Variants in ABHD12B observed in about 807,000 individuals in gnomAD.
The protein encoded by ABHD12B is protein ABHD12B.
In ABHD12B, 42 loss-of-function variants were observed where a neutral mutation model predicts 50.4. The ratio of observed to expected loss-of-function variants is 0.83; its 90% CI spans 0.65 to 1.08. The LOEUF (loss-of-function observed/expected upper bound fraction) is 1.08, where lower values mean the gene tolerates loss of function less well. ABHD12B is among the 50% of genes least tolerant of loss of function. The probability of loss-of-function intolerance (pLI) is 0.00; values close to 1 mark genes in which losing one functional copy is unlikely to be tolerated. For missense variants in ABHD12B, 479 were observed against 447.7 expected (o/e 1.07, Z -0.63); for synonymous variants, 167 against 160.3 (o/e 1.04, Z -0.32).
intron 9 of ABHD12B, among the ~76,000 whole-genome samples, chr14:50,895,392 G>A (rs953133789): frequency 6.6e-6 from 1 of 152,142 alleles, no homozygotes; most frequent in Non-Finnish European, 1.5e-5. Context: ...CCAAACGCCT[G>A]AACCGCAGCA....
At chr14:50,888,526 G>A (rs2050073038) in intron 8 of ABHD12B, among the ~76,000 whole-genome samples, 1 of 151,950 alleles carries the variant, frequency 6.6e-6, no homozygotes, top group South Asian at 2.1e-4. Context: ...TCCAAGCCAT[G>A]ATGACCTGGT....
intron 9 of ABHD12B, among the ~76,000 whole-genome samples, chr14:50,901,214 ATG>A (rs2050256729): frequency 6.6e-6 from 1 of 152,248 alleles, no homozygotes; most frequent in Non-Finnish European, 1.5e-5. Context: ...CATGTTGACT[ATG>A]TGAGTCAAAA....
intron 9 of ABHD12B, chr14:50,893,886 TAGAGAC>T (rs1486166564): frequency 2.0e-5 from 3 of 152,538 alleles, no homozygotes; most frequent in African/African-American, 7.2e-5. Flanking sequence ...CATTTTCTGG[TAGAGAC>T]AAAGGAGACA....
chr14:50,900,476 GA>G (rs1230993287), intron 9 of ABHD12B, among the ~76,000 whole-genome samples: 8 of 152,150 alleles, frequency 5.3e-5, no homozygotes, highest in Non-Finnish European at 1.2e-4. Flanking sequence ...TGTTGATGGA[GA>G]AACAGATAGA....
At position 50,904,087 on chromosome 14, in the gene ABHD12B, C is replaced by A. The variant is rs2050299494; in HGVS notation, c.956C>A (p.Ala319Glu). The A allele has an allele frequency of 1.2e-6, 2 of 1,612,958 alleles. No individual in the cohort carries two copies. Among genetic ancestry groups the A allele is most frequent in the Non-Finnish European group, 8.5e-7 (1 of 1,179,458 alleles). Residue 319 changes from alanine to glutamate, a missense_variant, in exon 12 of 13, where the codon GCA becomes GAA. Physicochemically the swap from Ala to Glu is moderately radical, Grantham distance 107 (BLOSUM62 -1). Transcript: ENST00000337334. ...TGTCGCTTGCAGCTCTATGAAATTG[C>A]ACGCAATGCATACAGGAACAAAGAG... ...LEYGKKLYEI[A>E]RNAYRNKERV...
chr14:50,883,450 C>G (rs2049987135), intron 5 of ABHD12B, among the ~76,000 whole-genome samples: 1 of 152,290 alleles, frequency 6.6e-6, no homozygotes, highest in Non-Finnish European at 1.5e-5. Flanking sequence ...TGTAGAGTGG[C>G]AGGGGGCTGG....
intron 8 of ABHD12B, among the ~76,000 whole-genome samples, chr14:50,887,996 T>C (rs1386055214): frequency 1.3e-5 from 2 of 152,190 alleles, no homozygotes; most frequent in East Asian, 3.8e-4. Context: ...TGGACTTCTC[T>C]CTTTTGGTAT....
At chr14:50,874,868 C>G (rs780035547) in intron 1 of ABHD12B, among the ~76,000 whole-genome samples, 19 of 152,204 alleles carry the variant, frequency 1.2e-4, no homozygotes, top group Admixed American at 2.6e-4. Context: ...CTGTGGAGCA[C>G]ACATTGATTC....
In ABHD12B at chr14:50,880,436, C is replaced by G. The variant is rs770378738; in HGVS notation, c.336-16C>G. On this transcript the variant is annotated splice_polypyrimidine_tract_variant and intron_variant, in intron 3 of 12. Coordinates refer to ENST00000337334, the MANE Select transcript of ABHD12B (RefSeq NM_001206673.2). ...TTCCTCTTTCTACATTTGTTTAAACCTCCCTTGCTCTTCAGGCACACAGTC... is the reference window on the plus strand; with the variant it reads ...TTCCTCTTTCTACATTTGTTTAAACGTCCCTTGCTCTTCAGGCACACAGTC... 38 of 1,581,826 alleles carry G rather than the reference C, an allele frequency of 2.4e-5. No individual in the cohort carries two copies. Among genetic ancestry groups the G allele is most frequent in the Non-Finnish European group, 2.9e-5 (34 of 1,166,550 alleles).
At position 50,904,090 on chromosome 14, in the gene ABHD12B, G is replaced by T. The variant is rs750035539; in HGVS notation, c.959G>T (p.Arg320Leu). 5.0e-6 allele frequency: 8 copies of T among 1,613,206 alleles called. No homozygotes were observed. The Admixed American group carries it at 6.7e-5, about 13-fold the overall frequency. Residue 320 changes from arginine (R) to leucine (L), a missense_variant, in exon 12 of 13, where the codon CGC (arginine) becomes CTC (leucine). By Grantham distance (102) the Arg-to-Leu change is moderately radical. Transcript: ENST00000337334. ...EYGKKLYEIARNAYRNKERVK... is the reference protein window; with the variant it reads ...EYGKKLYEIALNAYRNKERVK... ...CGCTTGCAGCTCTATGAAATTGCACGCAATGCATACAGGAACAAAGAGAGG... is the reference window on the plus strand; with the variant it reads ...CGCTTGCAGCTCTATGAAATTGCACTCAATGCATACAGGAACAAAGAGAGG...
At chr14:50,902,034 T>C (rs1373197764) in intron 10 of ABHD12B, 123 bp downstream of exon 10, 13 of 636,994 alleles carry the variant, frequency 2.0e-5, no homozygotes, top group Admixed American at 3.6e-5. Context: ...TCTTAGAATA[T>C]TGTTCTGCGC....
chr14:50,890,103 C>A (rs1566490212), intron 9 of ABHD12B, among the ~76,000 whole-genome samples: 1 of 152,220 alleles, frequency 6.6e-6, no homozygotes, highest in East Asian at 1.9e-4. Context: ...TAAATATTTT[C>A]AATTGGTTCT....
Position 50,904,766 on chromosome 14 carries a change from G to A in ABHD12B, c.*400G>A, listed in dbSNP as rs2050309436. 7.1e-6 allele frequency: 2 copies of A among 283,058 alleles called. No individual in the cohort carries two copies. Among genetic ancestry groups the A allele is most frequent in the South Asian group, 4.3e-5 (1 of 23,210 alleles). 17.5% of individuals were successfully genotyped at this position (283,058 alleles called of 1,614,324 possible). ...TGTGATGGTAATAGGAGGTGGGACT[G>A]AGCTCTGATGAATGAGATTAGTGCC... On this transcript the variant is annotated 3_prime_UTR_variant, in exon 13 of 13. Transcript: ENST00000337334.
At chr14:50,891,607 T>C (rs2050121645) in intron 9 of ABHD12B, 1 of 152,220 alleles carries the variant, frequency 6.6e-6, no homozygotes, top group East Asian at 1.9e-4. Context: ...ATGGTAACTT[T>C]TATGTCATTT....
At position 50,881,522 on chromosome 14, in the gene ABHD12B, G is replaced by A. The variant is rs560162308; in HGVS notation, c.456-74G>A. The A allele has an allele frequency of 7.2e-6, 11 of 1,524,700 alleles. No individual in the cohort carries two copies. In the South Asian group the frequency reaches 1.3e-4, roughly 19 times the overall value. 94.4% of individuals were successfully genotyped at this position (1,524,700 alleles called of 1,614,324 possible). A position where few individuals can be genotyped will look rare whatever the true frequency, so the allele number is the denominator to read the frequency against. On this transcript the variant is annotated intron_variant, in intron 4 of 12. Coordinates refer to ENST00000337334, the MANE Select transcript of ABHD12B (RefSeq NM_001206673.2). ...GAGATCAGATACCAGCAGCACGAGA[G>A]TGATTTTTATTGAATTTGTTATCAT...
At chr14:50,894,860 CAGGCCGAGCT>C (rs1235627365) in intron 9 of ABHD12B, among the ~76,000 whole-genome samples, 1 of 148,380 alleles carries the variant, frequency 6.7e-6, no homozygotes. Context: ...CCCTCCTCGC[CAGGCCGAGCT>C]AGGCCTCAAT....
rs1384427671 is a variant in ABHD12B at position 50,886,649 on chromosome 14, T to C, written c.665T>C (p.Val222Ala). Residue 222 changes from valine to alanine, a missense_variant and splice_region_variant, in exon 8 of 13, where the codon GTT (valine) becomes GCT (alanine). Transcript: ENST00000337334. ...CLWGHSLGTG[V>A]ATNAAKVLEE... ...TACTAATTTTCATTGCTTTACAGAG[T>C]TGCAACAAATGCTGCAAAAGTGCTA... 2 of 1,608,668 alleles carry C rather than the reference T, an allele frequency of 1.2e-6. No homozygotes were observed. Among genetic ancestry groups the C allele is most frequent in the Admixed American group, 3.4e-5 (2 of 59,472 alleles).
In ABHD12B at chr14:50,880,223, G is replaced by A. The variant is rs115881426; in HGVS notation, c.336-229G>A. Among the ~76,000 whole-genome samples the A allele has an allele frequency of 4.9e-3, 745 of 152,178 alleles. 7 individuals carry two copies. Among genetic ancestry groups the A allele is most frequent in the African/African-American group, 0.017 (703 of 41,522 alleles). ...TGCAGAAGTCAGAAGAACGAAAACA[G>A]TAAGTCGTTAAAAGGCATTGTCTCT... On this transcript the variant is annotated intron_variant, in intron 3 of 12. Coordinates refer to ENST00000337334, the MANE Select transcript of ABHD12B (RefSeq NM_001206673.2).
chr14:50,884,932 A>G (rs1236278430), intron 5 of ABHD12B, among the ~76,000 whole-genome samples: 1 of 152,190 alleles, frequency 6.6e-6, no homozygotes, highest in Non-Finnish European at 1.5e-5. Flanking sequence ...CATATTTAAT[A>G]TAAATAGCTT....
Sources: gnomAD v4.1 joint callset for allele counts (sites outside exome capture counted in the v4.1 genomes callset) on GRCh38, gnomAD v4.1.1 for gene constraint, MANE v1.5 for transcripts, NCBI Gene and HGNC (gene_info 2026-07-23, HGNC 2026-07-21) for gene names.